DAB1: variants seen among roughly 807,000 people sequenced by gnomAD.
The protein encoded by DAB1 is DAB adaptor protein 1.
In DAB1, 15 loss-of-function variants were observed where a neutral mutation model predicts 64.6. The ratio of observed to expected loss-of-function variants is 0.23; its 90% CI spans 0.16 to 0.36. The LOEUF is 0.36. Among genes scored for constraint, DAB1 ranks in the 10% least tolerant of loss-of-function variants. The probability of loss-of-function intolerance (pLI) is 1.00; values close to 1 mark genes in which losing one functional copy is unlikely to be tolerated. For synonymous variants in DAB1, 235 were observed against 251.9 expected, an observed-to-expected ratio of 0.93 and a Z score of 0.64; for missense variants, 596 against 706.7, an observed-to-expected ratio of 0.84 and a Z score of 1.78.
intron 1 of DAB1, among the ~76,000 whole-genome samples, chr1:57,408,221 T>C (rs186569013): frequency 6.6e-6 from 1 of 152,328 alleles, no homozygotes; most frequent in East Asian, 1.9e-4. Flanking sequence ...CATGTTGAAA[T>C]ATGGGTTTAC....
At chr1:58,016,635 C>T (rs1281220151) in intron 5 of DAB1, among the ~76,000 whole-genome samples, 1 of 152,106 alleles carries the variant, frequency 6.6e-6, no homozygotes, top group Admixed American at 6.5e-5. Context: ...ATGCCACCAT[C>T]ACCTTGAGCT....
intron 7 of DAB1, among the ~76,000 whole-genome samples, chr1:57,533,313 C>T (rs1262113085): frequency 6.6e-6 from 1 of 151,766 alleles, no homozygotes; most frequent in African/African-American, 2.4e-5. Context: ...CACCGAGACC[C>T]TGTGGATTCT....
rs1293328332 is a variant in DAB1 at position 58,195,580 on chromosome 1, A to G, written n.310-44992T>C. On this transcript the variant is annotated intron_variant and non_coding_transcript_variant, in intron 4 of 20. Coordinates refer to the DAB1 transcript ENST00000485760. ...TGGAGAGATTTATCTTCCCTAAAAT[A>G]GAGGTAATTTGTGGGACACTAGCAT... Among the ~76,000 whole-genome samples the G allele has an allele frequency of 2.0e-5, 3 of 152,338 alleles. No homozygotes were observed. The East Asian group carries it at 5.8e-4, about 29-fold the overall frequency.
chr1:57,391,475 A>G lies in DAB1; in HGVS notation c.-137+32455T>C, dbSNP rs1423959144. On this transcript the variant is annotated intron_variant, in intron 1 of 14. Coordinates refer to ENST00000371236, the MANE Select transcript of DAB1 (RefSeq NM_001365792.1). ...TAAGGTCTACCTCCCTGCTTGGCAC[A>G]TGGGAGGTATACTAAAAACATCAAC... Among the ~76,000 whole-genome samples the G allele has an allele frequency of 2.6e-5, 4 of 152,174 alleles. No homozygotes were observed. The East Asian group carries it at 7.7e-4, about 29-fold the overall frequency.
intron 4 of DAB1, among the ~76,000 whole-genome samples, chr1:58,258,835 G>T (rs925701418): frequency 3.9e-5 from 6 of 152,134 alleles, no homozygotes; most frequent in African/African-American, 1.4e-4. Context: ...TGGGGATCTG[G>T]CCATCTAGGC....
intron 1 of DAB1, among the ~76,000 whole-genome samples, chr1:57,854,703 C>T (rs1653678095): frequency 6.6e-6 from 1 of 152,138 alleles, no homozygotes; most frequent in African/African-American, 2.4e-5. Flanking sequence ...GCAGACTAAA[C>T]TTGGCACAGG....
chr1:57,744,966 G>C (rs992177058), intron 6 of DAB1, among the ~76,000 whole-genome samples: 2 of 152,056 alleles, frequency 1.3e-5, no homozygotes, highest in African/African-American at 4.8e-5. Context: ...CATTTCTAAG[G>C]AGCACTAGTC....
At chr1:57,134,258 A>G (rs1170064464) in intron 4 of DAB1, among the ~76,000 whole-genome samples, 1 of 152,116 alleles carries the variant, frequency 6.6e-6, no homozygotes, top group Non-Finnish European at 1.5e-5. Context: ...ACACAGAGCA[A>G]GTCAGCTCCT....
At chr1:57,205,538 T>C (rs1665467679) in intron 2 of DAB1, among the ~76,000 whole-genome samples, 1 of 152,220 alleles carries the variant, frequency 6.6e-6, no homozygotes, top group Non-Finnish European at 1.5e-5. Flanking sequence ...CTTTACTTAC[T>C]TGAAAATAGA....
intron 6 of DAB1, among the ~76,000 whole-genome samples, chr1:57,698,243 T>C (rs994918108): frequency 1.3e-5 from 2 of 150,774 alleles, no homozygotes; most frequent in African/African-American, 4.9e-5. Context: ...TGCACCACCA[T>C]GCCCTCTAAC....
intron 4 of DAB1, among the ~76,000 whole-genome samples, chr1:58,255,839 CTTTCA>C (rs1380040502): frequency 6.6e-6 from 1 of 152,170 alleles, no homozygotes; most frequent in East Asian, 1.9e-4. Flanking sequence ...GTCTCTTCCA[CTTTCA>C]TTTAATTTTC....
intron 1 of DAB1, among the ~76,000 whole-genome samples, chr1:57,349,650 C>T (rs747926160): frequency 1.3e-5 from 2 of 152,158 alleles, no homozygotes. Context: ...AACATACAGC[C>T]TACCATGTAG....
intron 4 of DAB1, among the ~76,000 whole-genome samples, chr1:57,112,784 C>T (rs547769270): frequency 6.6e-6 from 1 of 151,942 alleles, no homozygotes; most frequent in Non-Finnish European, 1.5e-5. Context: ...AGATAATTGG[C>T]AAATGCTAAT....
chr1:57,932,093 A>G (rs1644961577), intron 5 of DAB1, among the ~76,000 whole-genome samples: 1 of 151,952 alleles, frequency 6.6e-6, no homozygotes, highest in South Asian at 2.1e-4. Context: ...CTTGAGATTG[A>G]TTTTTTGACT....
At position 57,448,025 on chromosome 1, in the gene DAB1, G is replaced by A. The variant is rs1296497879; in HGVS notation, n.626-156859C>T. Among the ~76,000 whole-genome samples the A allele has an allele frequency of 5.9e-5, 9 of 152,060 alleles. 1 individual carries two copies. Among genetic ancestry groups the A allele is most frequent in the South Asian group, 4.2e-4 (2 of 4,818 alleles). On this transcript the variant is annotated intron_variant and non_coding_transcript_variant, in intron 7 of 20. Transcript: ENST00000485760. The stretch of plus-strand genomic sequence containing the variant: ...AGGGAACAAATTGTTCCTATAACCC[G>A]TCCCTAAAAACATAATTGCAAAGGA...
At chr1:57,700,649 T>C (rs1440356485) in intron 6 of DAB1, among the ~76,000 whole-genome samples, 1 of 152,210 alleles carries the variant, frequency 6.6e-6, no homozygotes, top group Admixed American at 6.6e-5. Context: ...CTTTTATTTT[T>C]ATATGCCTTG....
At chr1:57,321,745 A>G (rs891730063) in intron 1 of DAB1, among the ~76,000 whole-genome samples, 1 of 152,206 alleles carries the variant, frequency 6.6e-6, no homozygotes, top group Non-Finnish European at 1.5e-5. Context: ...AAAGGATGAA[A>G]GATGATAATG....
intron 2 of DAB1, among the ~76,000 whole-genome samples, chr1:58,514,402 C>T (rs1393129380): frequency 6.6e-6 from 1 of 152,056 alleles, no homozygotes; most frequent in Non-Finnish European, 1.5e-5. Context: ...CTAACTGTAC[C>T]GTTACCTGTA....
intron 2 of DAB1, among the ~76,000 whole-genome samples, chr1:57,167,979 G>A (rs1661362416): frequency 6.6e-6 from 1 of 152,192 alleles, no homozygotes; most frequent in Admixed American, 6.5e-5. Flanking sequence ...AAACACTGGA[G>A]AGACTTTTGA....
Sources: allele counts gnomAD v4.1 joint callset (sites outside exome capture counted in the v4.1 genomes callset), GRCh38; gene constraint gnomAD v4.1.1; transcripts MANE v1.5; gene names NCBI Gene and HGNC (gene_info 2026-07-23, HGNC 2026-07-21).